Variants in ANOS1 observed in about 807,000 individuals in gnomAD.
The protein encoded by ANOS1 is anosmin 1, also known as anosmin-1.
Under a neutral mutation model 59.0 loss-of-function variants are expected in ANOS1, and 6 were observed. The observed-to-expected ratio is 0.10, with a 90% CI of 0.06 to 0.20. The LOEUF (loss-of-function observed/expected upper bound fraction) is 0.20, where lower values mean the gene tolerates loss of function less well. Among genes scored for constraint, ANOS1 ranks in the 10% least tolerant of loss-of-function variants. ANOS1 has a pLI of 1.00. For missense variants in ANOS1, 433 were observed against 542.3 expected (o/e 0.80, Z 2.00); for synonymous variants, 217 against 223.4 (o/e 0.97, Z 0.25).
intron 8 of ANOS1, among the ~76,000 whole-genome samples, chrX:8,556,765 T>C (rs1022162621): frequency 4.5e-5 from 5 of 112,138 alleles, no homozygotes; most frequent in Admixed American, 3.8e-4. Context: ...AAGTAATTTA[T>C]AGATTCAATG....
intron 2 of ANOS1, among the ~76,000 whole-genome samples, chrX:8,664,606 C>G (rs1932103625): frequency 9.0e-6 from 1 of 111,141 alleles, no homozygotes; most frequent in Admixed American, 9.5e-5. Context: ...TACACACACA[C>G]CCCTTTACCC....
chrX:8,608,859 C>T (rs914165818), intron 3 of ANOS1, among the ~76,000 whole-genome samples: 4 of 112,259 alleles, frequency 3.6e-5, no homozygotes, highest in Admixed American at 1.9e-4. Context: ...TGCCTTGCTT[C>T]CCCTTCACCT....
chrX:8,726,541 G>A (rs1413525647), intron 1 of ANOS1, among the ~76,000 whole-genome samples: 1 of 111,816 alleles, frequency 8.9e-6, no homozygotes, highest in Admixed American at 9.5e-5. Flanking sequence ...ACTTGCCCAC[G>A]GACTACTACT....
At chrX:8,596,953 TATG>T in intron 4 of ANOS1, 78 bp downstream of exon 4, 1 of 1,194,314 alleles carries the variant, frequency 8.4e-7, no homozygotes, top group Non-Finnish European at 1.1e-6. Context: ...TTTTCACACC[TATG>T]ATGGACACCC....
chrX:8,650,120 C>CT (rs1391756524), intron 2 of ANOS1, among the ~76,000 whole-genome samples: 3 of 112,267 alleles, frequency 2.7e-5, no homozygotes, highest in Non-Finnish European at 3.8e-5. Flanking sequence ...AGACTTGCAA[C>CT]TTTTTCTGGA....
intron 3 of ANOS1, among the ~76,000 whole-genome samples, chrX:8,610,020 AAAAAAAAAAAAAAAACAAC>A (rs1246704793): frequency 1.5e-4 from 13 of 87,707 alleles, no homozygotes; most frequent in African/African-American, 5.0e-4. Flanking sequence ...AAAAAAAAAA[AAAAAAAAAAAAAAAACAAC>A]AACCTTTAAA....
intron 3 of ANOS1, among the ~76,000 whole-genome samples, chrX:8,614,335 A>G (rs760201373): frequency 8.9e-6 from 1 of 112,239 alleles, no homozygotes; most frequent in South Asian, 3.7e-4. Context: ...TGCTCTAGAG[A>G]CAGTGTTAGG....
chrX:8,623,030 T>TGATGGATGGATGGATG (rs34949507), intron 3 of ANOS1, among the ~76,000 whole-genome samples: 24 of 102,437 alleles, frequency 2.3e-4, no homozygotes, highest in East Asian at 1.9e-3. Context: ...GATGGATGGA[T>TGATGGATGGATGGATG]GATGGATGGA....
At chrX:8,533,510 A>G (rs1260017785) in intron 13 of ANOS1, among the ~76,000 whole-genome samples, 1 of 112,347 alleles carries the variant, frequency 8.9e-6, no homozygotes, top group African/African-American at 3.2e-5. Context: ...AATTATAAGC[A>G]TACCAATCTA....
chrX:8,574,011 A>ATG (rs1302769897), intron 6 of ANOS1, among the ~76,000 whole-genome samples: 6 of 110,213 alleles, frequency 5.4e-5, no homozygotes, highest in Non-Finnish European at 1.1e-4. Context: ...AGACCATGTC[A>ATG]CTCCTGTGCA....
chrX:8,586,954 G>GAA lies in ANOS1; in HGVS notation c.726+838_726+839dup, dbSNP rs745385907. Among the ~76,000 whole-genome samples, 8 of 91,402 alleles carry GAA rather than the reference G, an allele frequency of 8.8e-5. No homozygotes were observed. The South Asian group carries it at 2.5e-3, about 29-fold the overall frequency. 79.4% of individuals were successfully genotyped at this position (91,402 alleles called of 115,157 possible). On this transcript the variant is annotated intron_variant, in intron 5 of 13. Coordinates refer to ENST00000262648, the MANE Select transcript of ANOS1 (RefSeq NM_000216.4). ...TATTGACATTTATTTTACATTTACTGAAAAAAAAAAAAATAGGAATCTAGT... is the reference window on the plus strand; with the variant it reads ...TATTGACATTTATTTTACATTTACTGAAAAAAAAAAAAAAATAGGAATCTAGT...
chrX:8,709,267 TAA>T (rs369636682), intron 1 of ANOS1, among the ~76,000 whole-genome samples: 2 of 97,735 alleles, frequency 2.0e-5, no homozygotes, highest in Non-Finnish European at 2.1e-5. Flanking sequence ...AAAGTGTAAT[TAA>T]AAAAAAAAAA....
At position 8,731,960 on chromosome X, in the gene ANOS1, C is replaced by T. The variant is rs1347238083; in HGVS notation, c.77G>A (p.Gly26Asp). 1.8e-6 allele frequency: 2 copies of T among 1,111,934 alleles called. No homozygotes were observed. The highest frequency in any genetic ancestry group is 3.3e-5 in the Admixed American group (1 of 30,290). 91.6% of individuals were successfully genotyped at this position (1,111,934 alleles called of 1,213,427 possible). A position where few individuals can be genotyped will look rare whatever the true frequency, so the allele number is the denominator to read the frequency against. The change falls in exon 1 of 14, where the codon GGC becomes GAC. Residue 26 changes from glycine (G) to aspartate (D), a missense_variant. Gly to Asp is a moderately conservative substitution (Grantham distance 94). Transcript: ENST00000262648. ...LAASSGCLAA[G>D]PGAAAARRLD... The stretch of plus-strand genomic sequence containing the variant: ...CCGCCGCGCAGCAGCCGCGCCGGGG[C>T]CGGCCGCCAGGCAGCCGCTGGAGGC...
intron 2 of ANOS1, among the ~76,000 whole-genome samples, chrX:8,651,940 T>C (rs770654047): frequency 9.0e-6 from 1 of 111,417 alleles, no homozygotes; most frequent in South Asian, 3.8e-4. Flanking sequence ...ACTTGGTTTT[T>C]TGTTTGGTTT....
intron 3 of ANOS1, among the ~76,000 whole-genome samples, chrX:8,603,462 T>C (rs1436855313): frequency 8.9e-6 from 1 of 112,070 alleles, no homozygotes; most frequent in South Asian, 3.7e-4. Flanking sequence ...AGAAAATGAA[T>C]AAAACATTAA....
rs979877019 is a variant in ANOS1, at chrX:8,539,651, A to T, written c.1449+13T>A. The T allele has an allele frequency of 8.3e-7, 1 of 1,211,546 alleles. No individual in the cohort carries two copies. The highest frequency in any genetic ancestry group is 1.1e-6 in the Non-Finnish European group (1 of 895,422). ...GTTCACAGATCAAGTTGGCCTAGAG[A>T]TCATGTCCTTACGTGGGTCATGCCA... is the stretch of plus-strand genomic sequence containing the variant. On this transcript the variant is annotated intron_variant, in intron 10 of 13. Coordinates refer to ENST00000262648, the MANE Select transcript of ANOS1 (RefSeq NM_000216.4).
chrX:8,640,293 G>A (rs1163599462), intron 2 of ANOS1, among the ~76,000 whole-genome samples: 1 of 110,950 alleles, frequency 9.0e-6, no homozygotes, highest in African/African-American at 3.3e-5. Context: ...TTGTCTTCAC[G>A]CCATGATCTT....
intron 2 of ANOS1, among the ~76,000 whole-genome samples, chrX:8,698,755 A>C (rs1349602085): frequency 8.9e-6 from 1 of 111,968 alleles, no homozygotes; most frequent in Non-Finnish European, 1.9e-5. Context: ...AGTAACACTC[A>C]TGTGTATTCA....
intron 9 of ANOS1, among the ~76,000 whole-genome samples, chrX:8,549,147 T>C (rs1385196186): frequency 8.9e-6 from 1 of 112,272 alleles, no homozygotes; most frequent in East Asian, 2.8e-4. Context: ...GATAATACTA[T>C]GGACTCTAAT....
Sources: gnomAD v4.1 joint callset for allele counts (sites outside exome capture counted in the v4.1 genomes callset) on GRCh38, gnomAD v4.1.1 for gene constraint, MANE v1.5 for transcripts, NCBI Gene and HGNC (gene_info 2026-07-23, HGNC 2026-07-21) for gene names.